Variants in DDX19B observed in about 807,000 individuals in gnomAD.
The protein encoded by DDX19B is ATP-dependent RNA helicase DDX19B.
Under a neutral mutation model 58.1 loss-of-function variants are expected in DDX19B, and 27 were observed. That is an observed-to-expected ratio of 0.46 (90% confidence interval 0.34 to 0.64). DDX19B has a LOEUF of 0.64. DDX19B is among the 30% of genes least tolerant of loss of function. The pLI is 0.01. For missense variants in DDX19B, 399 were observed against 596.5 expected (o/e 0.67, Z 3.45); for synonymous variants, 187 against 214.4 (o/e 0.87, Z 1.12).
chr16:70,329,240 A>AAAG (rs1963347002), intron 7 of DDX19B, 52 bp from the exon 8 acceptor site: 4 of 1,564,926 alleles, frequency 2.6e-6, no homozygotes, highest in African/African-American at 2.8e-5. Flanking sequence ...AAAAAAAAAA[A>AAAG]AAAGAAAGAA....
chr16:70,327,949 C>T (rs575191332), intron 7 of DDX19B, among the ~76,000 whole-genome samples: 2 of 152,006 alleles, frequency 1.3e-5, no homozygotes, highest in South Asian at 2.1e-4. Flanking sequence ...GTTAGGAGTT[C>T]GAGACCAGCC....
At chr16:70,293,785 G>A (rs576126963), upstream of DDX19B, among the ~76,000 whole-genome samples, 16 of 148,780 alleles carry the variant, frequency 1.1e-4, no homozygotes, top group East Asian at 2.6e-3. Context: ...CTAATTTTTT[G>A]TATTTTTAGT....
At chr16:70,296,844 C>G (rs77594996), upstream of DDX19B, among the ~76,000 whole-genome samples, 10,857 of 152,178 alleles carry the variant, frequency 0.071, 1,299 homozygotes, top group African/African-American at 0.25. Flanking sequence ...TTTCTCAAAA[C>G]GTTTTTACTC....
chr16:70,299,391 A>G, intron 1 of DDX19B, 37 bp downstream of exon 1: 3 of 1,566,528 alleles, frequency 1.9e-6, no homozygotes, highest in Non-Finnish European at 2.6e-6. Flanking sequence ...TCAGGGGACT[A>G]GTTCTGGTCG....
intron 5 of DDX19B, chr16:70,319,468 C>G (rs1267146432): frequency 6.6e-6 from 1 of 151,972 alleles, no homozygotes; most frequent in African/African-American, 2.4e-5. Context: ...GGTTTCAGAT[C>G]ACATTCTGAG....
chr16:70,297,795 A>G (rs1249032388), upstream of DDX19B, among the ~76,000 whole-genome samples: 2 of 152,178 alleles, frequency 1.3e-5, no homozygotes, highest in East Asian at 3.9e-4. Context: ...AACACTGCTA[A>G]CTGCAGCCTC....
intron 9 of DDX19B, 37 bp from the exon 10 acceptor site, chr16:70,331,685 C>T (rs1963483943): frequency 1.3e-6 from 2 of 1,598,086 alleles, no homozygotes; most frequent in Middle Eastern, 3.4e-4. Flanking sequence ...TTGTTTTTAA[C>T]AGGTCTCTTC....
At chr16:70,309,644 C>A (rs1170045223) in intron 1 of DDX19B, among the ~76,000 whole-genome samples, 2 of 151,452 alleles carry the variant, frequency 1.3e-5, no homozygotes, top group African/African-American at 4.9e-5. Context: ...ATAGTGAAAC[C>A]CCGTCTCTAC....
At chr16:70,318,031 C>G (rs561385102) in intron 5 of DDX19B, 1 of 151,036 alleles carries the variant, frequency 6.6e-6, no homozygotes, top group Admixed American at 6.7e-5. Context: ...TGTCACTGCA[C>G]TCCAGCCTGG....
intron 7 of DDX19B, among the ~76,000 whole-genome samples, chr16:70,327,556 C>A (rs1025594979): frequency 7.2e-5 from 10 of 139,186 alleles, no homozygotes; most frequent in Admixed American, 2.2e-4. Flanking sequence ...CAAAAAAAAA[C>A]AAACAAATTT....
At chr16:70,298,095 C>A (rs1479042288), upstream of DDX19B, among the ~76,000 whole-genome samples, 1 of 152,036 alleles carries the variant, frequency 6.6e-6, no homozygotes, top group Non-Finnish European at 1.5e-5. Flanking sequence ...GACAACACAG[C>A]AAGATCTGTC....
intron 4 of DDX19B, 70 bp from the exon 5 acceptor site, chr16:70,317,426 A>G (rs1962491715): frequency 8.2e-7 from 1 of 1,223,906 alleles, no homozygotes. Context: ...AAAGAGAAAA[A>G]TCCTCCAGAT....
At chr16:70,299,570 T>C (rs933890148) in intron 1 of DDX19B, among the ~76,000 whole-genome samples, 1 of 152,164 alleles carries the variant, frequency 6.6e-6, no homozygotes, top group Non-Finnish European at 1.5e-5. Flanking sequence ...CTCAGCTGCC[T>C]GTCTGTCTTC....
chr16:70,331,192 C>T (rs1164620698), intron 9 of DDX19B, among the ~76,000 whole-genome samples: 2 of 152,104 alleles, frequency 1.3e-5, no homozygotes, highest in Admixed American at 6.6e-5. Context: ...CAGGTATGTG[C>T]CCCATGCATG....
At chr16:70,309,134 CCTTT>C (rs2152191284) in intron 1 of DDX19B, among the ~76,000 whole-genome samples, 1 of 151,880 alleles carries the variant, frequency 6.6e-6, no homozygotes, top group East Asian at 1.9e-4. Flanking sequence ...TAATGTGTTC[CCTTT>C]CTTTTTCCTC....
At chr16:70,317,356 G>A (rs1288481062) in intron 4 of DDX19B, 140 bp from the exon 5 acceptor site, 2 of 572,892 alleles carry the variant, frequency 3.5e-6, no homozygotes, top group Admixed American at 3.2e-5. Flanking sequence ...ACTGCAGCCT[G>A]GGCAATAGAT....
intron 5 of DDX19B, among the ~76,000 whole-genome samples, chr16:70,322,785 T>TGA (rs1439503622): frequency 6.7e-6 from 1 of 148,442 alleles, no homozygotes; most frequent in East Asian, 2.0e-4. Flanking sequence ...CCAGCTACTC[T>TGA]GGAGGCTGGG....
In DDX19B at chr16:70,314,228, T is replaced by A. The variant is rs550773863; in HGVS notation, c.107-674T>A. On this transcript the variant is annotated intron_variant, in intron 2 of 11. Coordinates refer to ENST00000288071, the MANE Select transcript of DDX19B (RefSeq NM_007242.7). ...ACCTATTGATAAAATACGATTTGCA[T>A]AGATATTCCTCTGTTGAGCATCAAG... Among the ~76,000 whole-genome samples the A allele has an allele frequency of 1.5e-3, 232 of 152,334 alleles. 1 individual carries two copies. The highest frequency in any genetic ancestry group is 2.3e-3 in the South Asian group (11 of 4,832).
At chr16:70,303,802 G>A (rs778754810) in intron 1 of DDX19B, among the ~76,000 whole-genome samples, 5 of 151,964 alleles carry the variant, frequency 3.3e-5, no homozygotes, top group African/African-American at 7.3e-5. Flanking sequence ...CTTGGGATCC[G>A]CCCACCTCGG....
Sources: allele counts gnomAD v4.1 joint callset (sites outside exome capture counted in the v4.1 genomes callset), GRCh38; gene constraint gnomAD v4.1.1; transcripts MANE v1.5; gene names NCBI Gene and HGNC (gene_info 2026-07-23, HGNC 2026-07-21).